The following SLCO2B1 variants were observed in gnomAD, a reference collection of about 807,000 sequenced individuals.
SLCO2B1 encodes OATP-RP2.
Under a neutral mutation model 67.3 loss-of-function variants are expected in SLCO2B1, and 41 were observed. The ratio of observed to expected loss-of-function variants is 0.61; its 90% CI spans 0.47 to 0.79. SLCO2B1 has a LOEUF of 0.79. SLCO2B1 is among the 30% of genes least tolerant of loss of function. The pLI is 0.00. For synonymous variants in SLCO2B1, 379 were observed against 381.4 expected (o/e 0.99, Z 0.07); for missense variants, 837 against 920.1 (o/e 0.91, Z 1.17).
intron 7 of SLCO2B1, among the ~76,000 whole-genome samples, chr11:75,175,747 A>C (rs1402607843): frequency 1.3e-5 from 2 of 152,158 alleles, no homozygotes; most frequent in Admixed American, 6.5e-5. Context: ...AGAGGGGTGC[A>C]TTCCACAGCC....
At chr11:75,166,733 A>C (rs1949897437) in intron 4 of SLCO2B1, among the ~76,000 whole-genome samples, 1 of 152,226 alleles carries the variant, frequency 6.6e-6, no homozygotes, top group African/African-American at 2.4e-5. Context: ...CAGGGGAATC[A>C]GTCCTTTTTA....
intron 8 of SLCO2B1, among the ~76,000 whole-genome samples, chr11:75,192,932 T>C (rs1945045280): frequency 6.6e-6 from 1 of 152,008 alleles, no homozygotes; most frequent in African/African-American, 2.4e-5. Flanking sequence ...TAGTTTCAGC[T>C]ACTCGGGAGG....
intron 10 of SLCO2B1, among the ~76,000 whole-genome samples, chr11:75,197,641 AC>A (rs1945120178): frequency 6.6e-6 from 1 of 152,208 alleles, no homozygotes; most frequent in African/African-American, 2.4e-5. Context: ...GTGTTTGATC[AC>A]GCTTGAGGCC....
chr11:75,158,686 T>G (rs759766056), intron 1 of SLCO2B1, among the ~76,000 whole-genome samples: 2 of 152,210 alleles, frequency 1.3e-5, no homozygotes, highest in East Asian at 3.8e-4. Context: ...TAAATACTGT[T>G]ATATTCACCT....
chr11:75,196,224 C>T (rs1318626477), intron 9 of SLCO2B1: 1 of 332,716 alleles, frequency 3.0e-6, no homozygotes, highest in Non-Finnish European at 5.4e-6. Context: ...CTGACACTAA[C>T]TTCTGGGAGG....
intron 12 of SLCO2B1, 129 bp downstream of exon 12, chr11:75,203,094 C>A: frequency 8.7e-7 from 1 of 1,148,104 alleles, no homozygotes. Flanking sequence ...CATGGGGTGA[C>A]AGACCTGGCC....
rs1283218236 is a variant in SLCO2B1 at position 75,206,493 on chromosome 11, C to T, written c.*1913C>T. ...GAGGATTTCTGAATCCTCACCTGTC[C>T]AAATTGTCATTCACATTTTATAGAA... On this transcript the variant is annotated 3_prime_UTR_variant, in exon 14 of 14. Transcript: ENST00000289575. 6.6e-6 allele frequency: 1 copy of T among 152,132 alleles called. No homozygotes were observed. Among genetic ancestry groups the T allele is most frequent in the Non-Finnish European group, 1.5e-5 (1 of 68,036 alleles). The allele number at this position is 152,132 out of a possible 1,614,324, so 9.4% of individuals were successfully genotyped here. A position where few individuals can be genotyped will look rare whatever the true frequency, so the allele number is the denominator to read the frequency against.
chr11:75,183,819 G>C (rs562261947), intron 7 of SLCO2B1, among the ~76,000 whole-genome samples: 109 of 152,312 alleles, frequency 7.2e-4, no homozygotes, highest in Non-Finnish European at 1.4e-3. Flanking sequence ...CTCAGTCAAG[G>C]CATGAGTTTT....
intron 10 of SLCO2B1, among the ~76,000 whole-genome samples, chr11:75,199,332 T>G (rs1945148545): frequency 6.6e-6 from 1 of 152,156 alleles, no homozygotes; most frequent in African/African-American, 2.4e-5. Context: ...CTTTGTCTGA[T>G]TCCACCTGCT....
chr11:75,195,426 G>C (rs1945084960), intron 9 of SLCO2B1, among the ~76,000 whole-genome samples: 1 of 151,976 alleles, frequency 6.6e-6, no homozygotes, highest in Non-Finnish European at 1.5e-5. Flanking sequence ...CTGTCTGGCA[G>C]AGGAGGAAGA....
intron 10 of SLCO2B1, among the ~76,000 whole-genome samples, chr11:75,198,536 C>A (rs758125674): frequency 3.9e-5 from 6 of 152,248 alleles, no homozygotes; most frequent in Non-Finnish European, 8.8e-5. Context: ...AAGGACCAGA[C>A]ATTGCCCAGA....
intron 6 of SLCO2B1, among the ~76,000 whole-genome samples, chr11:75,171,833 T>C (rs1949963954): frequency 6.6e-6 from 1 of 152,182 alleles, no homozygotes; most frequent in Non-Finnish European, 1.5e-5. Flanking sequence ...CAAACATCCC[T>C]GGGGATATTA....
chr11:75,181,174 G>A (rs1950087349), intron 7 of SLCO2B1, among the ~76,000 whole-genome samples: 1 of 152,014 alleles, frequency 6.6e-6, no homozygotes, highest in Admixed American at 6.6e-5. Flanking sequence ...CTCGAGACCT[G>A]CCTGGCCAAC....
At position 75,200,311 on chromosome 11, in the gene SLCO2B1, C is replaced by A; in HGVS notation, c.1687C>A (p.Pro563Thr). 11 of 1,613,792 alleles carry A rather than the reference C, an allele frequency of 6.8e-6. No individual in the cohort carries two copies. The highest frequency in any genetic ancestry group is 2.2e-5 in the South Asian group (2 of 91,056). Reference protein sequence around the residue: ...CDSTCSHLVVPFLLLVSLGSA... With the variant: ...CDSTCSHLVVTFLLLVSLGSA... ...CTCAACGTGCAGCCATCTGGTGGTG[C>A]CCTTCCTGCTCCTGGTCAGCCTGGG... The change falls in exon 11 of 14, where the codon CCC becomes ACC. Residue 563 changes from proline (P) to threonine (T), a missense_variant. Physicochemically the swap from Pro to Thr is conservative, Grantham distance 38. Transcript: ENST00000289575.
rs1273106177 is a variant in SLCO2B1, at chr11:75,205,768, T to A, written c.*1188T>A. The A allele has an allele frequency of 6.6e-6, 1 of 152,240 alleles. No individual in the cohort carries two copies. The highest frequency in any genetic ancestry group is 1.9e-4 in the East Asian group (1 of 5,198). The allele number at this position is 152,240 out of a possible 1,614,324, so 9.4% of individuals were successfully genotyped here. The stretch of plus-strand genomic sequence containing the variant: ...TTTTCTACATCAGCCCTTGTTTTGT[T>A]TTATGGCTAGTCTTATCTGGCCTGG... On this transcript the variant is annotated 3_prime_UTR_variant, in exon 14 of 14. Coordinates refer to ENST00000289575, the MANE Select transcript of SLCO2B1 (RefSeq NM_007256.5).
chr11:75,180,965 T>A lies in SLCO2B1; in HGVS notation c.973-7171T>A, dbSNP rs186765148. On this transcript the variant is annotated intron_variant, in intron 7 of 13. Transcript: ENST00000289575. Reference sequence around the variant, plus strand: ...AATGAGAGAGAAAAACATAAATGCATGGACCCATAAAGATTAATTCAGTTG... The same window carrying A: ...AATGAGAGAGAAAAACATAAATGCAAGGACCCATAAAGATTAATTCAGTTG... Among the ~76,000 whole-genome samples the A allele has an allele frequency of 2.0e-5, 3 of 152,318 alleles. No individual in the cohort carries two copies. The East Asian group carries it at 5.8e-4, about 29-fold the overall frequency.
At chr11:75,165,664 A>T (rs1949880018) in intron 3 of SLCO2B1, 123 bp from the exon 4 acceptor site, 1 of 1,146,724 alleles carries the variant, frequency 8.7e-7, no homozygotes, top group African/African-American at 1.5e-5. Context: ...AGGGACCCAG[A>T]TGATTTTTAT....
At chr11:75,169,109 C>CT in intron 4 of SLCO2B1, 64 bp from the exon 5 acceptor site, 1 of 1,348,432 alleles carries the variant, frequency 7.4e-7, no homozygotes, top group Admixed American at 2.2e-5. Context: ...AGTACCTTCC[C>CT]CCGGGGTAAG....
intron 2 of SLCO2B1, among the ~76,000 whole-genome samples, chr11:75,163,640 A>G (rs920462772): frequency 6.6e-6 from 1 of 152,066 alleles, no homozygotes; most frequent in Non-Finnish European, 1.5e-5. Context: ...AATAGCCCCC[A>G]GGCTCCTGGA....
Sources: gnomAD v4.1 joint callset for allele counts (sites outside exome capture counted in the v4.1 genomes callset) on GRCh38, gnomAD v4.1.1 for gene constraint, MANE v1.5 for transcripts, NCBI Gene and HGNC (gene_info 2026-07-23, HGNC 2026-07-21) for gene names.